Variants in DHX9 observed in about 807,000 individuals in gnomAD.
DHX9 encodes ATP-dependent RNA helicase A.
In DHX9, 27 loss-of-function variants were observed where a neutral mutation model predicts 148.7. The ratio of observed to expected loss-of-function variants is 0.18; its 90% CI spans 0.13 to 0.25. The LOEUF (loss-of-function observed/expected upper bound fraction) is 0.25. Ranked by LOEUF, DHX9 falls within the 10% of genes least tolerant of loss-of-function variation. DHX9 has a pLI of 1.00. For missense variants in DHX9, 796 were observed against 1,559.6 expected, an observed-to-expected ratio of 0.51 and a Z score of 8.25; for synonymous variants, 529 against 516.6, an observed-to-expected ratio of 1.02 and a Z score of -0.33.
In DHX9 at chr1:182,878,084, A is replaced by G. The variant is rs1237601756; in HGVS notation, c.2262A>G (p.Ser754=). 1.2e-6 allele frequency: 2 copies of G among 1,614,144 alleles called. No homozygotes were observed. Among genetic ancestry groups the G allele is most frequent in the Non-Finnish European group, 8.5e-7 (1 of 1,180,044 alleles). Residue 754 remains serine, a synonymous_variant, in exon 20 of 28, where the codon TCA becomes TCG. Transcript: ENST00000367549. ...CCAACTATGCTACCGTATGGGCATC[A>G]AAAACAAACCTTGAGCAACGGAAAG... ...NMTNYATVWA[S]KTNLEQRKGR...
chr1:182,853,180 G>A (rs1190608553), intron 4 of DHX9, 126 bp from the exon 5 acceptor site: 5 of 651,520 alleles, frequency 7.7e-6, no homozygotes, highest in East Asian at 2.8e-5. Context: ...CCACCTCAGC[G>A]TCCGGAAGTG....
chr1:182,859,946 T>C, intron 11 of DHX9, 47 bp from the exon 12 acceptor site: 1 of 1,556,782 alleles, frequency 6.4e-7, no homozygotes, highest in Non-Finnish European at 8.7e-7. Context: ...CAGTTGCTTC[T>C]AATGTGTTGG....
intron 4 of DHX9, 114 bp from the exon 5 acceptor site, chr1:182,853,192 T>A: frequency 1.4e-6 from 1 of 727,744 alleles, no homozygotes; most frequent in Non-Finnish European, 2.3e-6. Flanking sequence ...CCGGAAGTGC[T>A]GGGATTACAG....
chr1:182,883,690 G>A lies in DHX9; in HGVS notation c.3260+55G>A, dbSNP rs74129615. The A allele has an allele frequency of 1.1e-3, 1,393 of 1,258,942 alleles. 11 individuals carry two copies. The African/African-American group carries it at 0.018, about 16-fold the overall frequency. The allele number at this position is 1,258,942 out of a possible 1,614,324, so 78.0% of individuals were successfully genotyped here. On this transcript the variant is annotated intron_variant, in intron 26 of 27. Coordinates refer to ENST00000367549, the MANE Select transcript of DHX9 (RefSeq NM_001357.5). ...TGAATTCTTAGAATTACAATATGAT[G>A]GAATTCAGCTGCTAATCTAACTTAA...
At chr1:182,869,304 G>T (rs1648442861) in intron 14 of DHX9, among the ~76,000 whole-genome samples, 1 of 152,052 alleles carries the variant, frequency 6.6e-6, no homozygotes, top group African/African-American at 2.4e-5. Context: ...GCCCAGTCTG[G>T]TCCGGTCCTG....
chr1:182,848,054 T>A, intron 3 of DHX9, among the ~76,000 whole-genome samples: 1 of 152,206 alleles, frequency 6.6e-6, no homozygotes, highest in East Asian at 1.9e-4. Context: ...CTGTTCCAGC[T>A]ACAGTAGCTG....
At chr1:182,878,351 G>T (rs1648917059) in intron 20 of DHX9, among the ~76,000 whole-genome samples, 178 bp downstream of exon 20, 1 of 152,188 alleles carries the variant, frequency 6.6e-6, no homozygotes, top group Non-Finnish European at 1.5e-5. Context: ...GAATAAGCCA[G>T]ATTTAGAAAT....
At chr1:182,860,895 T>C (rs1668350983) in intron 12 of DHX9, among the ~76,000 whole-genome samples, 1 of 152,208 alleles carries the variant, frequency 6.6e-6, no homozygotes. Flanking sequence ...TCTGGCACTT[T>C]GTGGGAGAGC....
At chr1:182,857,357 T>C (rs1029140011) in intron 7 of DHX9, among the ~76,000 whole-genome samples, 4 of 152,194 alleles carry the variant, frequency 2.6e-5, no homozygotes, top group Admixed American at 6.5e-5. Context: ...GAGGAAACTT[T>C]CTGTTAATAT....
At chr1:182,853,205 G>A (rs1457121186) in intron 4 of DHX9, 101 bp from the exon 5 acceptor site, 4 of 813,674 alleles carry the variant, frequency 4.9e-6, no homozygotes, top group Non-Finnish European at 8.0e-6. Flanking sequence ...GATTACAGAT[G>A]TGAGCCTCCA....
intron 5 of DHX9, 38 bp from the exon 6 acceptor site, chr1:182,853,992 C>T (rs752080723): frequency 1.9e-6 from 3 of 1,600,910 alleles, no homozygotes; most frequent in East Asian, 2.2e-5. Context: ...TATACCTAAA[C>T]TTAACACAGC....
At chr1:182,850,522 C>T (rs1316506290) in intron 3 of DHX9, among the ~76,000 whole-genome samples, 2 of 150,244 alleles carry the variant, frequency 1.3e-5, no homozygotes, top group Non-Finnish European at 2.9e-5. Flanking sequence ...TTGAGCCCAA[C>T]AGGTTGGGGC....
intron 22 of DHX9, 63 bp from the exon 23 acceptor site, chr1:182,881,201 A>C: frequency 6.5e-7 from 1 of 1,544,372 alleles, no homozygotes; most frequent in South Asian, 1.2e-5. Context: ...CGACAGTCCT[A>C]CCTGAGCTGC....
chr1:182,882,581 C>T (rs901533154), intron 24 of DHX9, among the ~76,000 whole-genome samples: 2 of 152,100 alleles, frequency 1.3e-5, no homozygotes, highest in Admixed American at 6.6e-5. Context: ...AAAGTAATCA[C>T]CCCGGCCGGG....
At chr1:182,841,578 TAAC>T in intron 1 of DHX9, among the ~76,000 whole-genome samples, 1 of 152,372 alleles carries the variant, frequency 6.6e-6, no homozygotes, top group South Asian at 2.1e-4. Context: ...CACTCAGACG[TAAC>T]AAATTTATGC....
intron 14 of DHX9, among the ~76,000 whole-genome samples, chr1:182,870,786 A>AT (rs1365352071): frequency 6.6e-6 from 1 of 152,224 alleles, no homozygotes; most frequent in African/African-American, 2.4e-5. Flanking sequence ...GATAATTTAA[A>AT]TTTTTCTAGT....
intron 3 of DHX9, among the ~76,000 whole-genome samples, chr1:182,850,594 CAAA>C (rs369880071): frequency 1.4e-4 from 10 of 72,248 alleles, no homozygotes; most frequent in Non-Finnish European, 1.9e-4. Context: ...GACCCTGTCT[CAAA>C]AAAAAAAAAA....
At chr1:182,841,630 C>T (rs934098407) in intron 1 of DHX9, among the ~76,000 whole-genome samples, 1 of 152,212 alleles carries the variant, frequency 6.6e-6, no homozygotes, top group African/African-American at 2.4e-5. Flanking sequence ...TAGGTGCTAA[C>T]AAAATGCATC....
chr1:182,843,183 A>T, intron 2 of DHX9, 111 bp from the exon 3 acceptor site: 1 of 683,960 alleles, frequency 1.5e-6, no homozygotes, highest in Middle Eastern at 4.5e-4. Flanking sequence ...TATAGAGTAT[A>T]TTTCCTAAAG....
Sources: allele counts gnomAD v4.1 joint callset (sites outside exome capture counted in the v4.1 genomes callset), GRCh38; gene constraint gnomAD v4.1.1; transcripts MANE v1.5; gene names NCBI Gene and HGNC (gene_info 2026-07-23, HGNC 2026-07-21).